ABLIM2: variants seen among roughly 807,000 people sequenced by gnomAD.
ABLIM2 encodes the protein actin-binding LIM protein 2.
ABLIM2 carries 53 observed loss-of-function variants against 97.7 expected under a neutral mutation model. The observed-to-expected ratio is 0.54, with a 90% CI of 0.44 to 0.68. The LOEUF (loss-of-function observed/expected upper bound fraction) is 0.68. ABLIM2 is among the 30% of genes least tolerant of loss of function. The pLI is 0.00. For synonymous variants in ABLIM2, 361 were observed against 345.8 expected, an observed-to-expected ratio of 1.04 and a Z score of -0.49; for missense variants, 835 against 867.2, an observed-to-expected ratio of 0.96 and a Z score of 0.47.
At chr4:8,074,533 T>C (rs1190330682) in intron 6 of ABLIM2, among the ~76,000 whole-genome samples, 1 of 152,212 alleles carries the variant, frequency 6.6e-6, no homozygotes, top group Non-Finnish European at 1.5e-5. Context: ...ATACTATATC[T>C]TGTTGACAAG....
chr4:7,975,199 CAGAGTG>C (rs1423845835), intron 20 of ABLIM2, among the ~76,000 whole-genome samples: 1 of 152,180 alleles, frequency 6.6e-6, no homozygotes, highest in African/African-American at 2.4e-5. Context: ...CCCTAGGTGA[CAGAGTG>C]AGACCCTGTC....
intron 6 of ABLIM2, among the ~76,000 whole-genome samples, chr4:8,063,604 C>T (rs935719109): frequency 1.2e-4 from 19 of 152,264 alleles, no homozygotes; most frequent in African/African-American, 3.4e-4. Flanking sequence ...GCCTGGCCCC[C>T]GAGTGCAGAG....
In ABLIM2 at chr4:8,127,683, G is replaced by A. The variant is rs993807110; in HGVS notation, c.11-21046C>T. 8 of 1,261,450 alleles carry A rather than the reference G, an allele frequency of 6.3e-6. No homozygotes were observed. Among genetic ancestry groups the A allele is most frequent in the Non-Finnish European group, 7.2e-6 (7 of 969,616 alleles). The allele number at this position is 1,261,450 out of a possible 1,614,324, so 78.1% of individuals were successfully genotyped here. A position where few individuals can be genotyped will look rare whatever the true frequency, so the allele number is the denominator to read the frequency against. ...AGTGGACCGGGGAAGAGCCTCTGTG[G>A]CCCACAGGGCTCCCACAAGGTCACG... On this transcript the variant is annotated intron_variant, in intron 1 of 20. Transcript: ENST00000447017. This position sits in a 1 kb window ranked among gnomAD's most constrained non-coding sequence, Gnocchi z 7.3.
In ABLIM2 at chr4:7,965,992, A is replaced by T. The variant is rs1368407167; in HGVS notation, c.*998T>A. 1 of 152,234 alleles carries T rather than the reference A, an allele frequency of 6.6e-6. No homozygotes were observed. Among genetic ancestry groups the T allele is most frequent in the Non-Finnish European group, 1.5e-5 (1 of 68,048 alleles). The allele number at this position is 152,234 out of a possible 1,614,324, so 9.4% of individuals were successfully genotyped here. A position where few individuals can be genotyped will look rare whatever the true frequency, so the allele number is the denominator to read the frequency against. On this transcript the variant is annotated 3_prime_UTR_variant, in exon 21 of 21. Transcript: ENST00000447017. ...TTGATTCCAGGGCTTTGGCCATCAGAGGAGGATGTTTTCTCCCCAAGACTT... is the reference window on the plus strand; with the variant it reads ...TTGATTCCAGGGCTTTGGCCATCAGTGGAGGATGTTTTCTCCCCAAGACTT...
intron 9 of ABLIM2, among the ~76,000 whole-genome samples, chr4:8,039,838 G>A (rs1786990203): frequency 6.9e-6 from 1 of 145,760 alleles, no homozygotes; most frequent in Admixed American, 6.8e-5. Context: ...CTGGCAGGAT[G>A]TAAATGCTTT....
intron 20 of ABLIM2, among the ~76,000 whole-genome samples, chr4:7,979,830 C>T (rs1272421081): frequency 2.6e-4 from 39 of 152,192 alleles, no homozygotes; most frequent in Non-Finnish European, 1.5e-5. Flanking sequence ...TTGGGTCAAA[C>T]TAGCTGATTA....
chr4:8,012,847 C>A (rs60837609), intron 14 of ABLIM2, among the ~76,000 whole-genome samples: 60,265 of 152,026 alleles, frequency 0.4, 12,341 homozygotes, highest in East Asian at 0.54. Context: ...CACTTCATTT[C>A]TTTGCCCACT....
Position 8,142,301 on chromosome 4 carries a change from C to T in ABLIM2, c.10+16379G>A, listed in dbSNP as rs186408605. On this transcript the variant is annotated intron_variant, in intron 1 of 20. Coordinates refer to ENST00000447017, the MANE Select transcript of ABLIM2 (RefSeq NM_001130083.2). Reference sequence around the variant, plus strand: ...CTCCCAGCTGGTCTCTCCTGCTGCCCGCACTGCCCGAGGGCATGGACTCTG... The same window carrying T: ...CTCCCAGCTGGTCTCTCCTGCTGCCTGCACTGCCCGAGGGCATGGACTCTG... Among the ~76,000 whole-genome samples the T allele has an allele frequency of 7.9e-5, 12 of 152,280 alleles. No homozygotes were observed. The East Asian group carries it at 1.7e-3, about 22-fold the overall frequency.
Position 8,106,531 on chromosome 4 carries a change from C to G in ABLIM2, c.117G>C (p.Gln39His). ...AGCACTTGATGTGGAAGTACTTGTC[C>G]TGCACCCGCAGCACCTCGCCCTTGC... ...NVCKGEVLRV[Q>H]DKYFHIKCFV... The change falls in exon 2 of 21, where the codon CAG becomes CAC. Residue 39 changes from glutamine to histidine, a missense_variant. Transcript: ENST00000447017. The G allele has an allele frequency of 6.2e-7, 1 of 1,602,356 alleles. No individual in the cohort carries two copies. Among genetic ancestry groups the G allele is most frequent in the Non-Finnish European group, 8.5e-7 (1 of 1,174,788 alleles).
intron 1 of ABLIM2, among the ~76,000 whole-genome samples, chr4:8,111,852 G>A (rs549974119): frequency 2.0e-5 from 3 of 151,606 alleles, no homozygotes; most frequent in Admixed American, 6.6e-5. Flanking sequence ...CTTGAAACCC[G>A]GGAGGCAGAG....
chr4:8,140,453 G>A lies in ABLIM2; in HGVS notation c.10+18227C>T, dbSNP rs1355391639. On this transcript the variant is annotated intron_variant, in intron 1 of 20. Coordinates refer to ENST00000447017, the MANE Select transcript of ABLIM2 (RefSeq NM_001130083.2). The surrounding 1 kb of genome is among the most constrained non-coding windows in gnomAD (Gnocchi z 5.9). Reference sequence around the variant, plus strand: ...CAGTGCCAGAGGAGGACCGCATCGTGCACCACCTGGAGGCTTGGAAACCTG... The same window carrying A: ...CAGTGCCAGAGGAGGACCGCATCGTACACCACCTGGAGGCTTGGAAACCTG... Among the ~76,000 whole-genome samples the A allele has an allele frequency of 6.6e-6, 1 of 152,030 alleles. No individual in the cohort carries two copies. The highest frequency in any genetic ancestry group is 6.5e-5 in the Admixed American group (1 of 15,268).
At chr4:8,062,694 C>T (rs1804143657) in intron 6 of ABLIM2, among the ~76,000 whole-genome samples, 1 of 152,210 alleles carries the variant, frequency 6.6e-6, no homozygotes, top group African/African-American at 2.4e-5. Context: ...CCGCCTCAGC[C>T]TCCCAAAGTG....
At chr4:8,108,354 A>C (rs1455076228) in intron 1 of ABLIM2, among the ~76,000 whole-genome samples, 1 of 152,206 alleles carries the variant, frequency 6.6e-6, no homozygotes, top group African/African-American at 2.4e-5. Context: ...GTTCACCCCG[A>C]ATGATCTCAT....
intron 1 of ABLIM2, among the ~76,000 whole-genome samples, chr4:8,146,906 C>T (rs13148615): frequency 6.6e-6 from 1 of 152,154 alleles, no homozygotes; most frequent in South Asian, 2.1e-4. Flanking sequence ...AGCAAAAGCT[C>T]TCTGGGGTCC....
At chr4:8,143,456 G>A (rs1320494304) in intron 1 of ABLIM2, among the ~76,000 whole-genome samples, 1 of 152,064 alleles carries the variant, frequency 6.6e-6, no homozygotes, top group East Asian at 1.9e-4. Context: ...TAAGGTCAGG[G>A]CACGGATGAA....
intron 1 of ABLIM2, among the ~76,000 whole-genome samples, chr4:8,138,317 T>C (rs1850467070): frequency 6.6e-6 from 1 of 152,164 alleles, no homozygotes. Flanking sequence ...GTTAAAATGG[T>C]AAATTTTAGG....
chr4:8,055,580 A>G (rs780539604), intron 7 of ABLIM2, among the ~76,000 whole-genome samples: 2 of 152,218 alleles, frequency 1.3e-5, no homozygotes, highest in Non-Finnish European at 2.9e-5. Flanking sequence ...TGACTTGTGT[A>G]TCCCACAAAA....
At position 7,996,554 on chromosome 4, in the gene ABLIM2, G is replaced by A. The variant is rs1253478640; in HGVS notation, c.1619-3627C>T. Among the ~76,000 whole-genome samples, 2 of 152,236 alleles carry A rather than the reference G, an allele frequency of 1.3e-5. No individual in the cohort carries two copies. Among genetic ancestry groups the A allele is most frequent in the African/African-American group, 4.8e-5 (2 of 41,470 alleles). On this transcript the variant is annotated intron_variant, in intron 16 of 20. Coordinates refer to ENST00000447017, the MANE Select transcript of ABLIM2 (RefSeq NM_001130083.2). This position sits in a 1 kb window ranked among gnomAD's most constrained non-coding sequence, Gnocchi z 4.5. ...CTGTTTCCCCTGAGCACCCGTATCA[G>A]ATGGTGCTAGAAATTCTGCTTCAAC... is the stretch of plus-strand genomic sequence containing the variant.
At chr4:7,980,780 C>G (rs1045871900) in intron 20 of ABLIM2, among the ~76,000 whole-genome samples, 1 of 151,682 alleles carries the variant, frequency 6.6e-6, no homozygotes, top group Non-Finnish European at 1.5e-5. Flanking sequence ...TCCAGAATCC[C>G]TTTCCCTTTC....
Sources: gnomAD v4.1 joint callset for allele counts (sites outside exome capture counted in the v4.1 genomes callset) on GRCh38, gnomAD v4.1.1 for gene constraint, Gnocchi (gnomAD v3.1) non-coding constraint, MANE v1.5 for transcripts, NCBI Gene and HGNC (gene_info 2026-07-23, HGNC 2026-07-21) for gene names.